Variants in TENM3 observed in about 807,000 individuals in gnomAD.
TENM3 encodes the protein teneurin transmembrane protein 3, also known as teneurin-3.
A neutral mutation model predicts 255.1 loss-of-function variants in TENM3; 63 were observed. The observed-to-expected ratio is 0.25, with a 90% CI of 0.20 to 0.30. TENM3 has a LOEUF of 0.30. TENM3 is among the 10% of genes least tolerant of loss of function. The pLI, the probability that TENM3 is intolerant of heterozygous loss-of-function variation, is 1.00. For missense variants in TENM3, 2,929 were observed against 3,461.1 expected (o/e 0.85, Z 3.86); for synonymous variants, 1,306 against 1,322.3 (o/e 0.99, Z 0.27).
At position 182,594,683 on chromosome 4, in the gene TENM3, G is replaced by GGA. The variant is rs1289744680; in HGVS notation, c.512-6240_512-6239insAG. Among the ~76,000 whole-genome samples, 23 of 138,252 alleles carry GGA rather than the reference G, an allele frequency of 1.7e-4. 2 individuals are homozygous for GGA. Among genetic ancestry groups the GGA allele is most frequent in the African/African-American group, 6.2e-4 (22 of 35,716 alleles). 90.7% of individuals were successfully genotyped at this position (138,252 alleles called of 152,430 possible). A position where few individuals can be genotyped will look rare whatever the true frequency, so the allele number is the denominator to read the frequency against. On this transcript the variant is annotated intron_variant, in intron 3 of 27. Transcript: ENST00000511685. ...TTATTTCTTCCCTGTTTTTTGTTTT[G>GGA]GTGTGTGTGTGTGTGTGTGTGTGTG...
At chr4:181,999,029 G>C in the TENM3 span, among the ~76,000 whole-genome samples, 1 of 152,158 alleles carries the variant, frequency 6.6e-6, no homozygotes, top group South Asian at 2.1e-4. Context: ...CTCTTGGCTG[G>C]TGGTTGAGTG....
chr4:182,234,526 A>G (rs1756776115), intron 1 of TENM3, among the ~76,000 whole-genome samples: 1 of 152,144 alleles, frequency 6.6e-6, no homozygotes. Flanking sequence ...TGAGGTCAGG[A>G]GTTCAAGACC....
At chr4:182,200,629 A>G (rs1754128933) in intron 1 of TENM3, among the ~76,000 whole-genome samples, 1 of 152,206 alleles carries the variant, frequency 6.6e-6, no homozygotes. Context: ...CCTATAAGAA[A>G]GAACACAGAT....
At chr4:181,582,836 TG>T in the TENM3 span, among the ~76,000 whole-genome samples, 1 of 152,188 alleles carries the variant, frequency 6.6e-6, no homozygotes, top group Non-Finnish European at 1.5e-5. Flanking sequence ...GCGGCCATCT[TG>T]TTAGTGAGGT....
the TENM3 span, among the ~76,000 whole-genome samples, chr4:182,101,114 A>AGAAGGAAGGAAGGAAAGAAGGGAGGGAG: frequency 0.17 from 844 of 4,894 alleles, 371 homozygotes; most frequent in Non-Finnish European, 0.43. Context: ...GAGGAAGGAA[A>AGAAGGAAGGAAGGAAAGAAGGGAGGGAG]GAAGGAAGGA....
chr4:181,501,435 G>A, the TENM3 span, among the ~76,000 whole-genome samples: 1 of 151,356 alleles, frequency 6.6e-6, no homozygotes, highest in Non-Finnish European at 1.5e-5. Flanking sequence ...CTGGAGTGCA[G>A]TGGTGCGATC....
intron 12 of TENM3, among the ~76,000 whole-genome samples, chr4:182,701,841 G>A (rs1276924757): frequency 6.6e-6 from 1 of 152,164 alleles, no homozygotes; most frequent in Non-Finnish European, 1.5e-5. Flanking sequence ...TAAGAATGGT[G>A]ACATATAAAC....
chr4:182,723,753 G>T lies in TENM3; in HGVS notation c.2369-5212G>T, dbSNP rs987108087. ...ATAGAGACCTTGAAGCAGGACCAGGGATTGGCAAACAGTGGCCTCTGAGCC... is the reference window on the plus strand; with the variant it reads ...ATAGAGACCTTGAAGCAGGACCAGGTATTGGCAAACAGTGGCCTCTGAGCC... On this transcript the variant is annotated intron_variant, in intron 13 of 27. Coordinates refer to ENST00000511685, the MANE Select transcript of TENM3 (RefSeq NM_001080477.4). 7.9e-5 allele frequency among the ~76,000 whole-genome samples: 12 copies of T among 152,308 alleles called. 1 individual carries two copies. Among genetic ancestry groups the T allele is most frequent in the Admixed American group, 4.6e-4 (7 of 15,302 alleles).
rs769945655 is a variant in TENM3 at position 182,792,855 on chromosome 4, T to G, written c.6183T>G (p.Val2061=). The stretch of plus-strand genomic sequence containing the variant: ...TTGAGCAGTTTGGAAAGTTTGGAGT[T>G]ATATATTATGATATTAACCAGATCA... ...GKVEQFGKFG[V]IYYDINQIIS... is the part of the protein sequence containing the mutation. The change falls in exon 26 of 28, where the codon GTT becomes GTG. Residue 2061 remains valine (V), a synonymous_variant. Transcript: ENST00000511685. This position sits in a 1 kb window ranked among gnomAD's most constrained non-coding sequence, Gnocchi z 6.3. The G allele has an allele frequency of 1.2e-6, 2 of 1,613,828 alleles. No individual in the cohort carries two copies. Among genetic ancestry groups the G allele is most frequent in the South Asian group, 2.2e-5 (2 of 91,078 alleles).
At chr4:182,250,637 A>G (rs907286024) in intron 1 of TENM3, among the ~76,000 whole-genome samples, 5 of 152,224 alleles carry the variant, frequency 3.3e-5, no homozygotes, top group Non-Finnish European at 1.5e-5. Flanking sequence ...AAGCCAAAGA[A>G]TTCTTACGTG....
At chr4:181,792,658 C>T in the TENM3 span, among the ~76,000 whole-genome samples, 1 of 152,156 alleles carries the variant, frequency 6.6e-6, no homozygotes, top group African/African-American at 2.4e-5. Flanking sequence ...GGTTTTGTAA[C>T]ATCTATTTAT....
At chr4:181,754,284 T>TCG in the TENM3 span, among the ~76,000 whole-genome samples, 1 of 144,516 alleles carries the variant, frequency 6.9e-6, no homozygotes, top group Admixed American at 7.0e-5. Context: ...TATATCCCAG[T>TCG]CACACACACA....
intron 22 of TENM3, among the ~76,000 whole-genome samples, chr4:182,769,581 A>T (rs1764007960): frequency 6.7e-6 from 1 of 150,098 alleles, no homozygotes; most frequent in African/African-American, 2.5e-5. Context: ...CAGGAGTTTG[A>T]GACCAGTCTG....
At chr4:181,923,431 A>G in the TENM3 span, among the ~76,000 whole-genome samples, 1 of 152,164 alleles carries the variant, frequency 6.6e-6, no homozygotes, top group Non-Finnish European at 1.5e-5. Flanking sequence ...CCTGTTGCCT[A>G]AAAAGTTCAG....
At chr4:182,202,563 C>T (rs1754257946) in intron 1 of TENM3, among the ~76,000 whole-genome samples, 1 of 152,078 alleles carries the variant, frequency 6.6e-6, no homozygotes, top group Admixed American at 6.5e-5. Flanking sequence ...CCTCGGCCTC[C>T]CAAAGTGCTG....
At chr4:181,605,588 A>AGAGAAAGAAAG in the TENM3 span, among the ~76,000 whole-genome samples, 41 of 37,554 alleles carry the variant, frequency 1.1e-3, 6 homozygotes, top group East Asian at 2.2e-3. Context: ...AAGAAAGGAA[A>AGAGAAAGAAAG]GAAAGAAAGA....
At chr4:182,439,442 G>T (rs1772297094) in intron 3 of TENM3, among the ~76,000 whole-genome samples, 5 of 152,188 alleles carry the variant, frequency 3.3e-5, no homozygotes, top group Admixed American at 3.3e-4. Flanking sequence ...TTCCTACAGG[G>T]TATTTTAAAT....
chr4:182,358,120 G>T (rs1405502701), intron 3 of TENM3, among the ~76,000 whole-genome samples: 2 of 151,980 alleles, frequency 1.3e-5, no homozygotes, highest in African/African-American at 4.8e-5. Flanking sequence ...GGTTACTGTA[G>T]GCTTGTAGTA....
At chr4:182,416,061 T>C (rs986495727) in intron 3 of TENM3, among the ~76,000 whole-genome samples, 5 of 152,226 alleles carry the variant, frequency 3.3e-5, no homozygotes, top group Admixed American at 2.6e-4. Flanking sequence ...ACCTGGAGCC[T>C]ATGTTTTAGA....
Sources: allele counts gnomAD v4.1 joint callset (sites outside exome capture counted in the v4.1 genomes callset), GRCh38; gene constraint gnomAD v4.1.1; non-coding constraint Gnocchi (gnomAD v3.1); transcripts MANE v1.5; gene names NCBI Gene and HGNC (gene_info 2026-07-23, HGNC 2026-07-21).